GNG4: variants seen among roughly 807,000 people sequenced by gnomAD.
GNG4 encodes G protein subunit gamma 4.
GNG4 carries 4 observed loss-of-function variants against 5.8 expected under a neutral mutation model. The observed-to-expected ratio is 0.69, with a 90% CI of 0.34 to 1.57. The LOEUF is 1.57. Among genes scored for constraint, GNG4 ranks in the 40% most tolerant of loss-of-function variants. The probability of loss-of-function intolerance (pLI) is 0.06; values close to 1 mark genes in which losing one functional copy is unlikely to be tolerated. For missense variants in GNG4, 96 were observed against 95.1 expected (o/e 1.01, Z -0.04); for synonymous variants, 29 against 32.9 (o/e 0.88, Z 0.41).
intron 2 of GNG4, among the ~76,000 whole-genome samples, chr1:235,587,611 TGGGGTGTGTGAATGTGGGGTG>T: frequency 3.5e-5 from 2 of 57,538 alleles, no homozygotes; most frequent in East Asian, 6.2e-4. Context: ...GGGCATGGGG[TGGGGTGTGTGAATGTGGGGTG>T]GAGTGTGAGT....
chr1:235,564,997 C>A (rs1416522363), intron 3 of GNG4, among the ~76,000 whole-genome samples: 1 of 152,142 alleles, frequency 6.6e-6, no homozygotes, highest in African/African-American at 2.4e-5. Context: ...ATTCTTAATT[C>A]TAAGTTTACA....
intron 1 of GNG4, among the ~76,000 whole-genome samples, chr1:235,619,711 C>T (rs923165205): frequency 1.3e-5 from 2 of 152,138 alleles, no homozygotes; most frequent in African/African-American, 4.8e-5. Context: ...AAAAACAGTT[C>T]TTCATCTTTT....
intron 3 of GNG4, among the ~76,000 whole-genome samples, chr1:235,572,501 T>G (rs1250873144): frequency 4.4e-5 from 3 of 68,262 alleles, no homozygotes; most frequent in African/African-American, 3.3e-4. Flanking sequence ...TGCTCTTTTT[T>G]TTTTTTCTTT....
At chr1:235,594,063 CA>C (rs1688063238) in intron 2 of GNG4, among the ~76,000 whole-genome samples, 1 of 152,138 alleles carries the variant, frequency 6.6e-6, no homozygotes, top group Non-Finnish European at 1.5e-5. Context: ...TCCGTTTTGA[CA>C]GGGTGCTGAT....
chr1:235,606,252 T>C (rs763925118), intron 1 of GNG4, among the ~76,000 whole-genome samples: 1 of 152,036 alleles, frequency 6.6e-6, no homozygotes, highest in Admixed American at 6.6e-5. Context: ...CATGGTGGCA[T>C]GCACCTGTAA....
At chr1:235,643,212 C>T (rs959869262) in intron 1 of GNG4, among the ~76,000 whole-genome samples, 1 of 152,210 alleles carries the variant, frequency 6.6e-6, no homozygotes, top group Non-Finnish European at 1.5e-5. Context: ...CTCACCTTCA[C>T]ACCCCGGCTC....
At chr1:235,574,352 CAGAG>C (rs1687425033) in intron 3 of GNG4, among the ~76,000 whole-genome samples, 1 of 152,160 alleles carries the variant, frequency 6.6e-6, no homozygotes, top group Admixed American at 6.5e-5. Flanking sequence ...GCCTGGGCAA[CAGAG>C]AGAGACTCCA....
intron 2 of GNG4, among the ~76,000 whole-genome samples, chr1:235,590,882 T>A (rs1015201524): frequency 6.6e-6 from 1 of 152,226 alleles, no homozygotes; most frequent in Non-Finnish European, 1.5e-5. Flanking sequence ...GGATGTCTCA[T>A]GTACCTTAGG....
rs184766205 is a variant in GNG4 at position 235,642,073 on chromosome 1, T to C, written c.-123+7589A>G. On this transcript the variant is annotated intron_variant, in intron 1 of 3. Coordinates refer to ENST00000391854, the MANE Select transcript of GNG4 (RefSeq NM_001098722.2). The surrounding 1 kb of genome is among the most constrained non-coding windows in gnomAD (Gnocchi z 4.3). ...TAGCCCTAGAGCTTCCAACGTACAGTGCGGAAAAGCAACATAACACACTAA... is the reference window on the plus strand; with the variant it reads ...TAGCCCTAGAGCTTCCAACGTACAGCGCGGAAAAGCAACATAACACACTAA... Among the ~76,000 whole-genome samples the C allele has an allele frequency of 2.6e-3, 400 of 152,286 alleles. 1 individual carries two copies. The highest frequency in any genetic ancestry group is 9.3e-3 in the African/African-American group (386 of 41,540).
intron 1 of GNG4, among the ~76,000 whole-genome samples, chr1:235,607,841 C>T (rs1292862911): frequency 2.6e-5 from 4 of 152,178 alleles, no homozygotes; most frequent in Admixed American, 2.0e-4. Flanking sequence ...GCCCCCTCCC[C>T]TCACTTTAGT....
chr1:235,616,028 C>A, intron 1 of GNG4: 1 of 355,128 alleles, frequency 2.8e-6, no homozygotes, highest in South Asian at 2.3e-5. Flanking sequence ...TCTGTGTGGT[C>A]CAAGGCCTCG....
chr1:235,645,966 G>C (rs1657500506), intron 1 of GNG4, among the ~76,000 whole-genome samples: 1 of 152,176 alleles, frequency 6.6e-6, no homozygotes, highest in Non-Finnish European at 1.5e-5. Flanking sequence ...AGGAGGTCCA[G>C]GCACTGATGA....
chr1:235,600,438 G>A (rs1364377708), intron 1 of GNG4, among the ~76,000 whole-genome samples: 3 of 136,252 alleles, frequency 2.2e-5, no homozygotes, highest in Admixed American at 1.4e-4. Flanking sequence ...GTGTGTGTGT[G>A]TATATGTGTG....
At chr1:235,608,753 G>A (rs962219184) in intron 1 of GNG4, among the ~76,000 whole-genome samples, 4 of 150,390 alleles carry the variant, frequency 2.7e-5, no homozygotes, top group African/African-American at 9.8e-5. Context: ...GTGCAATCTC[G>A]GCTCACTGCA....
chr1:235,578,986 A>G (rs773439412), intron 3 of GNG4, among the ~76,000 whole-genome samples: 16 of 151,758 alleles, frequency 1.1e-4, no homozygotes, highest in Non-Finnish European at 1.8e-4. Flanking sequence ...AATCCCAGCT[A>G]CTTGGGAGGC....
intron 1 of GNG4, among the ~76,000 whole-genome samples, chr1:235,641,518 C>G (rs1304053839): frequency 6.6e-6 from 1 of 152,176 alleles, no homozygotes; most frequent in Non-Finnish European, 1.5e-5. Flanking sequence ...TGGTGAAACC[C>G]TGTCTCTACT....
chr1:235,617,055 G>A (rs756590633), intron 1 of GNG4, among the ~76,000 whole-genome samples: 2 of 151,990 alleles, frequency 1.3e-5, no homozygotes, highest in Non-Finnish European at 1.5e-5. Flanking sequence ...GCCCAGTGCC[G>A]AAAGATTTTG....
At chr1:235,597,032 GC>G (rs2102957793) in intron 1 of GNG4, among the ~76,000 whole-genome samples, 1 of 152,228 alleles carries the variant, frequency 6.6e-6, no homozygotes, top group Non-Finnish European at 1.5e-5. Context: ...ACTGTGCCTG[GC>G]CTTTGAAAGG....
chr1:235,644,753 GC>G lies in GNG4; in HGVS notation c.-123+4908del, dbSNP rs1391562544. Among the ~76,000 whole-genome samples the G allele has an allele frequency of 6.6e-6, 1 of 152,226 alleles. No homozygotes were observed. The highest frequency in any genetic ancestry group is 1.5e-5 in the Non-Finnish European group (1 of 68,028). ...GCCACAGGCTAGGGGCAGCGGAAAG[GC>G]CCTGCTGGAAATTTCCATCCAGGGT... On this transcript the variant is annotated intron_variant, in intron 1 of 3. Transcript: ENST00000391854. The surrounding 1 kb of genome is among the most constrained non-coding windows in gnomAD (Gnocchi z 5.9).
Sources: allele counts gnomAD v4.1 joint callset (sites outside exome capture counted in the v4.1 genomes callset), GRCh38; gene constraint gnomAD v4.1.1; non-coding constraint Gnocchi (gnomAD v3.1); transcripts MANE v1.5; gene names NCBI Gene and HGNC (gene_info 2026-07-23, HGNC 2026-07-21).